Variants in NFIB observed in about 807,000 individuals in gnomAD.
The protein encoded by NFIB is nuclear factor I B.
NFIB carries 11 observed loss-of-function variants against 61.5 expected under a neutral mutation model. The observed-to-expected ratio is 0.18, with a 90% confidence interval of 0.11 to 0.30. The LOEUF is 0.30. NFIB is among the 10% of genes least tolerant of loss of function. The pLI is 1.00. For missense variants in NFIB, 471 were observed against 608.9 expected, an observed-to-expected ratio of 0.77 and a Z score of 2.38; for synonymous variants, 260 against 216.5, an observed-to-expected ratio of 1.20 and a Z score of -1.76.
At chr9:14,169,780 T>C (rs1006423567) in intron 3 of NFIB, among the ~76,000 whole-genome samples, 4 of 152,228 alleles carry the variant, frequency 2.6e-5, no homozygotes, top group Non-Finnish European at 5.9e-5. Flanking sequence ...ATCATGTCAC[T>C]GCACTCCAGC....
chr9:14,150,246 A>T lies in NFIB; in HGVS notation c.705T>A (p.Thr235=), dbSNP rs764227004. ...RVSRTPITQG[T]GVNFPIGEIP... Reference sequence around the variant, plus strand: ...TTTCTCCAATTGGGAAGTTGACTCCAGTTCCCTGGGTTATGGGCGCTGAGG... The same window carrying T: ...TTTCTCCAATTGGGAAGTTGACTCCTGTTCCCTGGGTTATGGGCGCTGAGG... Residue 235 remains threonine, a synonymous_variant, in exon 5 of 11, where the codon ACT becomes ACA. Coordinates refer to ENST00000380953, the MANE Select transcript of NFIB (RefSeq NM_001190737.2). The T allele has an allele frequency of 2.5e-6, 4 of 1,613,456 alleles. No homozygotes were observed. Among genetic ancestry groups the T allele is most frequent in the South Asian group, 1.1e-5 (1 of 91,074 alleles).
chr9:14,301,103 T>A (rs1295082766), intron 2 of NFIB, among the ~76,000 whole-genome samples: 3 of 152,192 alleles, frequency 2.0e-5, no homozygotes, highest in African/African-American at 7.2e-5. Context: ...GGTACCACCT[T>A]AGAAAACAGT....
At chr9:14,237,763 AGTGTGTGTGT>A (rs71321971) in intron 2 of NFIB, among the ~76,000 whole-genome samples, 2,849 of 85,010 alleles carry the variant, frequency 0.034, 62 homozygotes, top group South Asian at 0.053. Flanking sequence ...TAGGTATAAC[AGTGTGTGTGT>A]GTGTGTGTGT....
At chr9:14,227,347 C>A (rs1488283240) in intron 2 of NFIB, among the ~76,000 whole-genome samples, 1 of 152,112 alleles carries the variant, frequency 6.6e-6, no homozygotes, top group Non-Finnish European at 1.5e-5. Flanking sequence ...CTGTGCTTTT[C>A]ATTTCTAGGT....
intron 2 of NFIB, among the ~76,000 whole-genome samples, chr9:14,248,897 G>A (rs1008146840): frequency 4.6e-5 from 7 of 152,166 alleles, no homozygotes; most frequent in African/African-American, 1.7e-4. Flanking sequence ...AGGGAACAAA[G>A]AGAATGGCAT....
intron 2 of NFIB, among the ~76,000 whole-genome samples, chr9:14,287,238 T>C (rs2058767410): frequency 6.6e-6 from 1 of 151,374 alleles, no homozygotes; most frequent in South Asian, 2.1e-4. Context: ...GAGACCATCC[T>C]GGCTAACACG....
At chr9:14,349,809 G>C (rs1033640523) in intron 1 of NFIB, among the ~76,000 whole-genome samples, 2 of 152,168 alleles carry the variant, frequency 1.3e-5, no homozygotes, top group African/African-American at 4.8e-5. Context: ...TGAGAGTTGA[G>C]ACTTCGAGCT....
At chr9:14,480,981 C>T in the NFIB span, among the ~76,000 whole-genome samples, 48 of 151,454 alleles carry the variant, frequency 3.2e-4, no homozygotes, top group African/African-American at 1.1e-3. Context: ...ACAGTTGGTG[C>T]CTTACCTATA....
the NFIB span, among the ~76,000 whole-genome samples, chr9:14,531,701 AAG>A: frequency 6.6e-6 from 1 of 151,438 alleles, no homozygotes; most frequent in Non-Finnish European, 1.5e-5. Context: ...AAAAAAAAAA[AAG>A]GGAACAAAAA....
At chr9:14,375,726 G>A (rs765457160) in intron 1 of NFIB, among the ~76,000 whole-genome samples, 7 of 152,014 alleles carry the variant, frequency 4.6e-5, no homozygotes, top group East Asian at 1.9e-4. Context: ...TTTGACACAC[G>A]GCCACACTTA....
chr9:14,413,193 T>C, the NFIB span, among the ~76,000 whole-genome samples: 2 of 152,152 alleles, frequency 1.3e-5, no homozygotes, highest in Non-Finnish European at 2.9e-5. Flanking sequence ...TCCAGTGGCA[T>C]GGATGGCAAT....
At chr9:14,182,476 T>G (rs1056843414) in intron 2 of NFIB, among the ~76,000 whole-genome samples, 2 of 152,160 alleles carry the variant, frequency 1.3e-5, no homozygotes, top group African/African-American at 4.8e-5. Context: ...CTTATATCGG[T>G]CACTTAATTC....
chr9:14,499,050 G>A, the NFIB span, among the ~76,000 whole-genome samples: 15 of 151,826 alleles, frequency 9.9e-5, no homozygotes, highest in African/African-American at 2.7e-4. Flanking sequence ...ACGTGTGTAC[G>A]TGTGTGTGCG....
chr9:14,208,721 G>A (rs2050008692), intron 2 of NFIB, among the ~76,000 whole-genome samples: 1 of 151,814 alleles, frequency 6.6e-6, no homozygotes, highest in Non-Finnish European at 1.5e-5. Flanking sequence ...CATAAACTGA[G>A]GACCATTCAA....
chr9:14,116,762 T>C (rs1279042619), intron 8 of NFIB, among the ~76,000 whole-genome samples: 1 of 152,260 alleles, frequency 6.6e-6, no homozygotes, highest in Non-Finnish European at 1.5e-5. Context: ...GAGTCAGTTT[T>C]GGCTTTTAGA....
At chr9:14,493,277 T>C in the NFIB span, among the ~76,000 whole-genome samples, 1 of 152,192 alleles carries the variant, frequency 6.6e-6, no homozygotes, top group Admixed American at 6.5e-5. Context: ...ATGTAAAATG[T>C]CACACCACAT....
At chr9:14,411,213 G>A in the NFIB span, among the ~76,000 whole-genome samples, 3 of 152,340 alleles carry the variant, frequency 2.0e-5, no homozygotes, top group South Asian at 2.1e-4. Context: ...ACAAAAAGAA[G>A]TTTCAGTGGA....
In NFIB at chr9:14,307,471, A is replaced by G; in HGVS notation, c.80T>C (p.Ile27Thr). The G allele has an allele frequency of 6.2e-7, 1 of 1,613,554 alleles. No individual in the cohort carries two copies. ...CTGCAGGTTGAACCAAGTATAGGCA[A>G]TTGCACGGACATGTGGAAGAAGTGC... ...IEALLPHVRA[I>T]AYTWFNLQAR... is the part of the protein sequence containing the mutation. The change falls in exon 2 of 11, where the codon ATT becomes ACT. Residue 27 changes from isoleucine (I) to threonine (T), a missense_variant. Ile to Thr is a moderately conservative substitution (Grantham distance 89). Transcript: ENST00000380953. This position sits in a 1 kb window ranked among gnomAD's most constrained non-coding sequence, Gnocchi z 5.3.
intron 2 of NFIB, among the ~76,000 whole-genome samples, chr9:14,267,971 A>G (rs1350767197): frequency 6.6e-6 from 1 of 152,084 alleles, no homozygotes; most frequent in Non-Finnish European, 1.5e-5. Context: ...CATCTCTACA[A>G]AAATACAAAA....
Sources: gnomAD v4.1 joint callset for allele counts (sites outside exome capture counted in the v4.1 genomes callset) on GRCh38, gnomAD v4.1.1 for gene constraint, Gnocchi (gnomAD v3.1) non-coding constraint, MANE v1.5 for transcripts, NCBI Gene and HGNC (gene_info 2026-07-23, HGNC 2026-07-21) for gene names.